Variants in PSG7 observed in about 807,000 individuals in gnomAD.
PSG7 encodes pregnancy-specific beta-1-glycoprotein 7.
Under a neutral mutation model 45.6 loss-of-function variants are expected in PSG7, and 57 were observed. That is an observed-to-expected ratio of 1.25 (90% CI 1.01 to 1.56). The LOEUF (loss-of-function observed/expected upper bound fraction) is 1.56. Among genes scored for constraint, PSG7 ranks in the 40% most tolerant of loss-of-function variants. The pLI, the probability that PSG7 is intolerant of heterozygous loss-of-function variation, is 0.00. For synonymous variants in PSG7, 298 were observed against 194.4 expected, an observed-to-expected ratio of 1.53 and a Z score of -4.43; for missense variants, 796 against 508.4, an observed-to-expected ratio of 1.57 and a Z score of -5.44.
At chr19:42,932,030 T>G (rs1316700928) in intron 2 of PSG7, among the ~76,000 whole-genome samples, 1 of 148,790 alleles carries the variant, frequency 6.7e-6, no homozygotes, top group African/African-American at 2.5e-5. Context: ...TCAAACAGCA[T>G]TTTTTTTTTC....
At position 42,926,621 on chromosome 19, in the gene PSG7, A is replaced by C. The variant is rs200894057; in HGVS notation, c.805T>G (p.Tyr269Asp). Residue 269 changes from tyrosine to aspartate, a missense_variant, in exon 4 of 6, where the codon TAC (tyrosine) becomes GAC (aspartate). By Grantham distance (160) the Tyr-to-Asp change is radical. Coordinates refer to ENST00000406070, the MANE Select transcript of PSG7 (RefSeq NM_002783.3). ...CCATTTAGCCACCAAATGTAGGTGT[A>C]GTTCTCACTCTTAGGTTCACAGGTG... ...TFTCEPKSEN[Y>D]TYIWWLNGQS... 8.9e-5 allele frequency: 144 copies of C among 1,610,252 alleles called. No homozygotes were observed. In the African/African-American group the frequency reaches 1.8e-3, roughly 20 times the overall value.
At chr19:42,935,068 G>A (rs760700309) in intron 2 of PSG7, among the ~76,000 whole-genome samples, 2 of 151,760 alleles carry the variant, frequency 1.3e-5, no homozygotes, top group African/African-American at 4.8e-5. Flanking sequence ...GGCCCCTCAG[G>A]CCAAGCCCTA....
At position 42,929,771 on chromosome 19, in the gene PSG7, C is replaced by G; in HGVS notation, c.431-51G>C. ...GCCCTGTGTGGCACCTTTGACTCCT[C>G]CAAAGGCATTTTTCAATCAGAGTTG... On this transcript the variant is annotated intron_variant, in intron 2 of 5. Coordinates refer to ENST00000406070, the MANE Select transcript of PSG7 (RefSeq NM_002783.3). 10 of 1,573,238 alleles carry G rather than the reference C, an allele frequency of 6.4e-6. 1 individual carries two copies. The highest frequency in any genetic ancestry group is 7.8e-6 in the Non-Finnish European group (9 of 1,158,532).
At chr19:42,927,401 G>A (rs1026833024) in intron 3 of PSG7, 1 of 153,320 alleles carries the variant, frequency 6.5e-6, no homozygotes, top group African/African-American at 2.4e-5. Flanking sequence ...AAGAGTGAAG[G>A]GGACAAGCAA....
At chr19:42,932,141 A>G (rs4513209) in intron 2 of PSG7, among the ~76,000 whole-genome samples, 138,666 of 150,846 alleles carry the variant, frequency 0.92, 64,120 homozygotes, top group East Asian at 1. Flanking sequence ...CTCCTGCCTC[A>G]GCCTCCCGAG....
chr19:42,931,698 C>A (rs571259350), intron 2 of PSG7, among the ~76,000 whole-genome samples: 1 of 151,400 alleles, frequency 6.6e-6, no homozygotes, highest in African/African-American at 2.4e-5. Flanking sequence ...CATGAGGAAA[C>A]AGTTGTATGT....
At position 42,937,004 on chromosome 19, in the gene PSG7, T is replaced by C. The variant is rs369045065; in HGVS notation, c.64+9A>G. Reference sequence around the variant, plus strand: ...TTTCCTGTCCTCTCCCAGGAAGTTCTCTCCTCACCTGTGAGCAGGAGCCCT... The same window carrying C: ...TTTCCTGTCCTCTCCCAGGAAGTTCCCTCCTCACCTGTGAGCAGGAGCCCT... On this transcript the variant is annotated intron_variant, in intron 1 of 5. Transcript: ENST00000406070. The C allele has an allele frequency of 2.0e-5, 32 of 1,610,782 alleles. No individual in the cohort carries two copies. Among genetic ancestry groups the C allele is most frequent in the Non-Finnish European group, 2.6e-5 (31 of 1,178,086 alleles).
At chr19:42,936,631 C>T (rs1199173715) in intron 1 of PSG7, 2 of 213,274 alleles carry the variant, frequency 9.4e-6, no homozygotes, top group Non-Finnish European at 1.8e-5. Context: ...ACAGAGCCTT[C>T]TTTCCTTTTT....
In PSG7 at chr19:42,929,549, G is replaced by T. The variant is rs773103511; in HGVS notation, c.602C>A (p.Thr201Asn). 26 of 1,612,464 alleles carry T rather than the reference G, an allele frequency of 1.6e-5. No homozygotes were observed. The highest frequency in any genetic ancestry group is 1.6e-4 in the Middle Eastern group (1 of 6,082). The change falls in exon 3 of 6, where the codon ACC (threonine) becomes AAC (asparagine). Residue 201 changes from threonine to asparagine, a missense_variant. Physicochemically the swap from Thr to Asn is moderately conservative, Grantham distance 65 (BLOSUM62 0). Transcript: ENST00000406070. Reference sequence around the variant, plus strand: ...GTTTGTGACACCAAATAGGTAGAGGGTCCTGTTGGTTTCAGACAGCTGCAA... The same window carrying T: ...GTTTGTGACACCAAATAGGTAGAGGTTCCTGTTGGTTTCAGACAGCTGCAA... ...HSLQLSETNR[T>N]LYLFGVTNYT...
intron 3 of PSG7, 70 bp from the exon 4 acceptor site, chr19:42,926,786 A>G: frequency 6.3e-7 from 1 of 1,584,934 alleles, no homozygotes; most frequent in Non-Finnish European, 8.6e-7. Flanking sequence ...TCCTTCAATT[A>G]GAGTTGGCAT....
Position 42,927,782 on chromosome 19 carries a change from T to G in PSG7, c.710-1066A>C, listed in dbSNP as rs1972928229. On this transcript the variant is annotated intron_variant, in intron 3 of 5. Coordinates refer to ENST00000406070, the MANE Select transcript of PSG7 (RefSeq NM_002783.3). ...AGCTGGGAGTGGGGAGAATCAGAAG[T>G]TGTTCATGGGTGGGCAGTTTCTTTT... is the stretch of plus-strand genomic sequence containing the variant. Among the ~76,000 whole-genome samples the G allele has an allele frequency of 2.0e-5, 3 of 151,556 alleles. 1 individual carries two copies. The South Asian group carries it at 6.3e-4, about 32-fold the overall frequency.
At position 42,924,476 on chromosome 19, in the gene PSG7, A is replaced by T; in HGVS notation, c.*332T>A. 1 of 559,038 alleles carries T rather than the reference A, an allele frequency of 1.8e-6. No homozygotes were observed. The highest frequency in any genetic ancestry group is 3.1e-6 in the Non-Finnish European group (1 of 318,020). The allele number at this position is 559,038 out of a possible 1,614,324, so 34.6% of individuals were successfully genotyped here. A position where few individuals can be genotyped will look rare whatever the true frequency, so the allele number is the denominator to read the frequency against. The stretch of plus-strand genomic sequence containing the variant: ...CATGTGAAATTCTAATGACTGCATT[A>T]TCCTGCCAAGTGAAAGAGGCAGGCA... On this transcript the variant is annotated 3_prime_UTR_variant, in exon 6 of 6. Transcript: ENST00000406070.
intron 1 of PSG7, among the ~76,000 whole-genome samples, 198 bp downstream of exon 1, chr19:42,936,815 T>G (rs922853156): frequency 6.6e-6 from 1 of 151,300 alleles, no homozygotes; most frequent in Non-Finnish European, 1.5e-5. Flanking sequence ...ACCTGGTTAA[T>G]TTTTTGTATT....
At chr19:42,929,401 G>A (rs1456447261) in intron 3 of PSG7, 41 bp downstream of exon 3, 3 of 1,611,722 alleles carry the variant, frequency 1.9e-6, no homozygotes, top group African/African-American at 2.7e-5. Context: ...ATGTGTATTT[G>A]GGATGGCAGC....
At chr19:42,924,860 A>G in intron 5 of PSG7, 36 bp from the exon 6 acceptor site, 1 of 764,324 alleles carries the variant, frequency 1.3e-6, no homozygotes, top group Non-Finnish European at 2.4e-6. Flanking sequence ...AACAATGAAC[A>G]GAGCTGCAAT....
rs544820600 is a variant in PSG7 at position 42,926,990 on chromosome 19, C to T, written c.710-274G>A. On this transcript the variant is annotated intron_variant, in intron 3 of 5. Coordinates refer to ENST00000406070, the MANE Select transcript of PSG7 (RefSeq NM_002783.3). ...ACAGACATGTCAGTGGGAGTCACAG[C>T]GCCTGGTACCCCTCCCAGTCCCTCA... 115 of 571,900 alleles carry T rather than the reference C, an allele frequency of 2.0e-4. 2 individuals carry two copies. The highest frequency in any genetic ancestry group is 4.8e-4 in the Middle Eastern group (1 of 2,070). 35.4% of individuals were successfully genotyped at this position (571,900 alleles called of 1,614,324 possible).
intron 3 of PSG7, chr19:42,927,073 G>A: frequency 3.0e-6 from 1 of 329,498 alleles, no homozygotes; most frequent in South Asian, 5.6e-5. Flanking sequence ...TGCAACTGCT[G>A]GGCCCTTTCC....
intron 2 of PSG7, among the ~76,000 whole-genome samples, chr19:42,933,307 A>ATATTTTTTTTTTTT (rs56691588): frequency 1.5e-4 from 2 of 13,504 alleles, no homozygotes; most frequent in African/African-American, 3.5e-4. Context: ...ATATATATAT[A>ATATTTTTTTTTTTT]TTTTTTTTTT....
chr19:42,930,919 A>AATT, intron 2 of PSG7, among the ~76,000 whole-genome samples: 3 of 151,650 alleles, frequency 2.0e-5, no homozygotes, highest in Non-Finnish European at 4.4e-5. Context: ...TTCAATTTCT[A>AATT]ATTTTTTTAT....
Sources: allele counts gnomAD v4.1 joint callset (sites outside exome capture counted in the v4.1 genomes callset), GRCh38; gene constraint gnomAD v4.1.1; transcripts MANE v1.5; gene names NCBI Gene and HGNC (gene_info 2026-07-23, HGNC 2026-07-21).